The following HIVEP3 variants were observed in gnomAD, a reference collection of about 807,000 sequenced individuals.
HIVEP3 encodes the protein transcription factor HIVEP3.
HIVEP3 carries 49 observed loss-of-function variants against 152.8 expected under a neutral mutation model. The observed-to-expected ratio is 0.32, with a 90% CI of 0.26 to 0.41. HIVEP3 has a LOEUF of 0.41. Among genes scored for constraint, HIVEP3 ranks in the 10% least tolerant of loss-of-function variants. The pLI is 1.00. For synonymous variants in HIVEP3, 1,269 were observed against 1,289.0 expected (o/e 0.98, Z 0.33); for missense variants, 2,790 against 3,103.3 (o/e 0.90, Z 2.40).
intron 1 of HIVEP3, among the ~76,000 whole-genome samples, chr1:41,888,089 G>A (rs1409896202): frequency 6.8e-6 from 1 of 147,576 alleles, no homozygotes; most frequent in Non-Finnish European, 1.5e-5. Context: ...AGGCTGGAGT[G>A]CAGTGGCGTG....
At chr1:41,859,140 T>C (rs899374448) in intron 1 of HIVEP3, among the ~76,000 whole-genome samples, 2 of 152,228 alleles carry the variant, frequency 1.3e-5, no homozygotes, top group East Asian at 1.9e-4. Flanking sequence ...CAGCACACAG[T>C]TGGCATCAAC....
At chr1:41,818,342 C>T (rs370407688) in intron 1 of HIVEP3, among the ~76,000 whole-genome samples, 5 of 152,224 alleles carry the variant, frequency 3.3e-5, no homozygotes, top group East Asian at 3.9e-4. Flanking sequence ...CCTGTTTCTT[C>T]GTGTCCTGCT....
At chr1:41,629,808 T>G (rs547616494) in intron 2 of HIVEP3, among the ~76,000 whole-genome samples, 1 of 152,278 alleles carries the variant, frequency 6.6e-6, no homozygotes, top group Non-Finnish European at 1.5e-5. Context: ...GAGAAGGGAA[T>G]GCTTATACGC....
chr1:41,785,518 TTAAA>T (rs1460740688), intron 1 of HIVEP3, among the ~76,000 whole-genome samples: 1 of 152,186 alleles, frequency 6.6e-6, no homozygotes, highest in Non-Finnish European at 1.5e-5. Context: ...GGAATAGTGG[TTAAA>T]TAAATTCTGA....
intron 1 of HIVEP3, among the ~76,000 whole-genome samples, chr1:41,830,331 C>T (rs1421204426): frequency 1.3e-5 from 2 of 152,194 alleles, no homozygotes; most frequent in African/African-American, 4.8e-5. Flanking sequence ...AATATTCAAA[C>T]AAGGCAAAAA....
intron 1 of HIVEP3, among the ~76,000 whole-genome samples, chr1:41,986,374 C>T (rs1260491793): frequency 1.3e-5 from 2 of 150,686 alleles, no homozygotes; most frequent in Non-Finnish European, 2.9e-5. Flanking sequence ...CACTGAAGTT[C>T]TATAAGTATT....
At chr1:41,633,941 C>G (rs913550759) in intron 2 of HIVEP3, among the ~76,000 whole-genome samples, 5 of 152,178 alleles carry the variant, frequency 3.3e-5, no homozygotes, top group African/African-American at 1.2e-4. Flanking sequence ...TTGACAGTCT[C>G]TACAAAAATG....
At chr1:41,544,650 A>ACCACTACCACCT (rs1643622028) in intron 5 of HIVEP3, among the ~76,000 whole-genome samples, 1 of 147,320 alleles carries the variant, frequency 6.8e-6, no homozygotes, top group Non-Finnish European at 1.5e-5. Flanking sequence ...CACCACCACC[A>ACCACTACCACCT]CTACCACCAC....
intron 2 of HIVEP3, among the ~76,000 whole-genome samples, chr1:41,647,606 C>T (rs1047303162): frequency 2.0e-5 from 3 of 152,212 alleles, no homozygotes; most frequent in Non-Finnish European, 2.9e-5. Context: ...CCAGGGCACG[C>T]TGAGGCCTTG....
chr1:41,950,622 C>T (rs1345260496), intron 1 of HIVEP3, among the ~76,000 whole-genome samples: 1 of 152,190 alleles, frequency 6.6e-6, no homozygotes, highest in African/African-American at 2.4e-5. Context: ...CTGTGAGCTA[C>T]TGCCACCTGG....
intron 6 of HIVEP3, among the ~76,000 whole-genome samples, chr1:41,519,395 C>T (rs1307641325): frequency 1.3e-5 from 2 of 152,180 alleles, no homozygotes; most frequent in African/African-American, 4.8e-5. Flanking sequence ...TTTCACAGGC[C>T]ACACAGCTCT....
upstream of HIVEP3, among the ~76,000 whole-genome samples, chr1:41,920,954 T>C (rs1016426473): frequency 6.6e-6 from 1 of 152,206 alleles, no homozygotes; most frequent in Non-Finnish European, 1.5e-5. Flanking sequence ...ACTCTATCTC[T>C]CTGTCCTTTT....
intron 1 of HIVEP3, among the ~76,000 whole-genome samples, chr1:41,994,882 G>T (rs534296822): frequency 9.9e-5 from 15 of 151,740 alleles, no homozygotes; most frequent in Admixed American, 9.2e-4. Context: ...AATAACCCGA[G>T]AGGCTCCAGA....
intron 5 of HIVEP3, among the ~76,000 whole-genome samples, chr1:41,546,617 A>G (rs886448297): frequency 6.6e-6 from 1 of 152,236 alleles, no homozygotes; most frequent in African/African-American, 2.4e-5. Flanking sequence ...CCAAGGTCAC[A>G]CAGCCATTGG....
chr1:41,570,012 G>C (rs2759254), intron 5 of HIVEP3, among the ~76,000 whole-genome samples: 42,146 of 152,176 alleles, frequency 0.28, 7,224 homozygotes, highest in Non-Finnish European at 0.39. Context: ...TGATGTGCAG[G>C]TGGACCGCCT....
chr1:41,654,055 C>T (rs1413120667), intron 2 of HIVEP3, among the ~76,000 whole-genome samples: 1 of 151,434 alleles, frequency 6.6e-6, no homozygotes, highest in Non-Finnish European at 1.5e-5. Flanking sequence ...TACTCCTTCC[C>T]AGCTATCGTC....
intron 1 of HIVEP3, among the ~76,000 whole-genome samples, chr1:41,881,970 A>AAAAATT (rs1644268510): frequency 6.6e-6 from 1 of 152,218 alleles, no homozygotes. Flanking sequence ...AACTTGGCAT[A>AAAAATT]AAAATTAAAA....
chr1:41,927,718 GA>G (rs958709199), intron 1 of HIVEP3, among the ~76,000 whole-genome samples: 4 of 151,784 alleles, frequency 2.6e-5, no homozygotes, highest in African/African-American at 4.8e-5. Flanking sequence ...AAAGCAAGGA[GA>G]AAAAAAACTT....
chr1:41,550,469 C>T (rs1209119304), intron 5 of HIVEP3, among the ~76,000 whole-genome samples: 1 of 152,148 alleles, frequency 6.6e-6, no homozygotes, highest in Non-Finnish European at 1.5e-5. Flanking sequence ...GGCAGTATGG[C>T]CATTTTCACA....
Sources: gnomAD v4.1 joint callset for allele counts (sites outside exome capture counted in the v4.1 genomes callset) on GRCh38, gnomAD v4.1.1 for gene constraint, MANE v1.5 for transcripts, NCBI Gene and HGNC (gene_info 2026-07-23, HGNC 2026-07-21) for gene names.